LOC728743: variants seen among roughly 807,000 people sequenced by gnomAD.
chr7:150,407,860 C>A, the LOC728743 span: 1 of 426,754 alleles, frequency 2.3e-6, no homozygotes, highest in East Asian at 3.5e-5. Flanking sequence ...AGCACAACCT[C>A]GAGGTGCACC....
At chr7:150,409,962 G>A in the LOC728743 span, among the ~76,000 whole-genome samples, 13 of 152,188 alleles carry the variant, frequency 8.5e-5, no homozygotes, top group South Asian at 6.2e-4. Context: ...AAAATGCCCT[G>A]AACCCAAGGT....
the LOC728743 span, among the ~76,000 whole-genome samples, chr7:150,401,982 C>G: frequency 6.6e-6 from 1 of 152,186 alleles, no homozygotes; most frequent in African/African-American, 2.4e-5. Flanking sequence ...CCAGATAGTT[C>G]TGGGGTTCAA....
chr7:150,408,691 C>T, the LOC728743 span, among the ~76,000 whole-genome samples: 173 of 152,340 alleles, frequency 1.1e-3, no homozygotes, highest in African/African-American at 4.1e-3. Context: ...ACAAACCCCA[C>T]GCCCAACCTC....
At chr7:150,405,157 C>T in the LOC728743 span, 1 of 152,234 alleles carries the variant, frequency 6.6e-6, no homozygotes, top group African/African-American at 2.4e-5. Context: ...GCATGGTCGC[C>T]GCTCCGGCCC....
chr7:150,405,159 C>G, the LOC728743 span: 5 of 152,296 alleles, frequency 3.3e-5, no homozygotes, highest in Non-Finnish European at 7.3e-5. Context: ...ATGGTCGCCG[C>G]TCCGGCCCGG....
At chr7:150,408,770 T>A in the LOC728743 span, among the ~76,000 whole-genome samples, 1 of 152,222 alleles carries the variant, frequency 6.6e-6, no homozygotes, top group Non-Finnish European at 1.5e-5. Flanking sequence ...ACTTCATGTT[T>A]CAGTTTACTC....
the LOC728743 span, among the ~76,000 whole-genome samples, chr7:150,401,947 C>T: frequency 1.1e-4 from 16 of 152,314 alleles, no homozygotes; most frequent in East Asian, 3.1e-3. Context: ...CACCTTCTCC[C>T]CTCTGCTCAC....
At chr7:150,401,421 T>C in the LOC728743 span, among the ~76,000 whole-genome samples, 1 of 152,226 alleles carries the variant, frequency 6.6e-6, no homozygotes, top group African/African-American at 2.4e-5. Context: ...CCTCGTGGAC[T>C]TGGCAGAGAG....
chr7:150,402,908 C>T, the LOC728743 span, among the ~76,000 whole-genome samples: 1 of 152,192 alleles, frequency 6.6e-6, no homozygotes, highest in African/African-American at 2.4e-5. Context: ...TACACGTTTA[C>T]CCATGGTCTA....
chr7:150,410,921 C>T, the LOC728743 span: 6 of 152,366 alleles, frequency 3.9e-5, no homozygotes, highest in Non-Finnish European at 7.3e-5. Context: ...CCTGGCCAAG[C>T]CTCCTTCCCT....
At chr7:150,402,938 A>G in the LOC728743 span, among the ~76,000 whole-genome samples, 9,003 of 152,188 alleles carry the variant, frequency 0.059, 942 homozygotes, top group African/African-American at 0.2. Flanking sequence ...CGAGCAACAC[A>G]TCTACCCACA....
chr7:150,405,393 G>C, the LOC728743 span: 2 of 152,256 alleles, frequency 1.3e-5, no homozygotes, highest in Non-Finnish European at 2.9e-5. Flanking sequence ...CGGACCCTCG[G>C]GGGCGGGTCA....
the LOC728743 span, chr7:150,404,390 G>A: frequency 6.6e-6 from 1 of 152,188 alleles, no homozygotes; most frequent in African/African-American, 2.4e-5. Flanking sequence ...CCACGGTGCT[G>A]GGTCACGGTG....
chr7:150,404,365 G>A, the LOC728743 span: 3 of 152,320 alleles, frequency 2.0e-5, no homozygotes, highest in Middle Eastern at 3.4e-3. Flanking sequence ...GCGGTGCAGT[G>A]GAACACAAGC....
At chr7:150,407,096 TAACTGAAAATCCTAGCTGAAACTGA>T in the LOC728743 span, among the ~76,000 whole-genome samples, 2 of 152,142 alleles carry the variant, frequency 1.3e-5, no homozygotes, top group African/African-American at 2.4e-5. Context: ...TAGACGAAGG[TAACTGAAAATCCTAGCTGAAACTGA>T]AACTGAAAAT....
chr7:150,402,646 G>C, the LOC728743 span, among the ~76,000 whole-genome samples: 30 of 152,370 alleles, frequency 2.0e-4, no homozygotes, highest in African/African-American at 6.7e-4. Context: ...ATCAGCATAA[G>C]GTGCTTTGGA....
At chr7:150,405,438 G>A in the LOC728743 span, 2 of 152,062 alleles carry the variant, frequency 1.3e-5, no homozygotes, top group Admixed American at 1.3e-4. Flanking sequence ...CGGGTCCCGC[G>A]CAGGTCCTTT....
chr7:150,403,382 T>C, the LOC728743 span, among the ~76,000 whole-genome samples: 1 of 152,340 alleles, frequency 6.6e-6, no homozygotes, highest in Non-Finnish European at 1.5e-5. This position sits in a 1 kb window ranked among gnomAD's most constrained non-coding sequence, Gnocchi z 5.1. Flanking sequence ...GTTCTTTTCC[T>C]TTCTATTTTG....
chr7:150,407,112 C>G, the LOC728743 span, among the ~76,000 whole-genome samples: 1 of 152,178 alleles, frequency 6.6e-6, no homozygotes, highest in East Asian at 1.9e-4. Flanking sequence ...AAAATCCTAG[C>G]TGAAACTGAA....
Sources: allele counts gnomAD v4.1 joint callset (sites outside exome capture counted in the v4.1 genomes callset), GRCh38; gene constraint gnomAD v4.1.1; non-coding constraint Gnocchi (gnomAD v3.1); transcripts MANE v1.5.